LRRC4C: variants seen among roughly 807,000 people sequenced by gnomAD.
The protein encoded by LRRC4C is leucine rich repeat containing 4C.
A neutral mutation model predicts 33.6 loss-of-function variants in LRRC4C; 5 were observed. The ratio of observed to expected loss-of-function variants is 0.15; its 90% CI spans 0.08 to 0.31. LRRC4C has a LOEUF of 0.31. Among genes scored for constraint, LRRC4C ranks in the 10% least tolerant of loss-of-function variants. The probability of loss-of-function intolerance (pLI) is 1.00; values close to 1 mark genes in which losing one functional copy is unlikely to be tolerated. For synonymous variants in LRRC4C, 329 were observed against 302.0 expected (o/e 1.09, Z -0.93); for missense variants, 560 against 796.7 (o/e 0.70, Z 3.58).
At chr11:40,527,079 C>A (rs1238123576) in intron 3 of LRRC4C, among the ~76,000 whole-genome samples, 7 of 152,018 alleles carry the variant, frequency 4.6e-5, no homozygotes, top group Admixed American at 4.6e-4. Context: ...ATTAATTTAT[C>A]CTGATAGAGA....
chr11:40,947,992 G>A lies in LRRC4C; in HGVS notation c.-495-14269C>T, dbSNP rs540952379. On this transcript the variant is annotated intron_variant, in intron 1 of 6. Transcript: ENST00000528697. ...TCATTTTTTTTCAGCTATTTCAAGC[G>A]AGAAGTTAGAACTGATATCTCTTCC... Among the ~76,000 whole-genome samples the A allele has an allele frequency of 9.2e-5, 14 of 152,072 alleles. No homozygotes were observed. In the South Asian group the frequency reaches 2.3e-3, roughly 25 times the overall value.
At chr11:40,472,719 T>C (rs899779960) in intron 3 of LRRC4C, among the ~76,000 whole-genome samples, 1 of 151,302 alleles carries the variant, frequency 6.6e-6, no homozygotes, top group Admixed American at 6.6e-5. Context: ...GCCAGACTCA[T>C]AAAGAAGAAA....
chr11:40,887,862 A>T (rs1955533842), intron 2 of LRRC4C, among the ~76,000 whole-genome samples: 1 of 151,966 alleles, frequency 6.6e-6, no homozygotes, highest in Non-Finnish European at 1.5e-5. Flanking sequence ...CTCTTTATTA[A>T]GGTACTGCCT....
chr11:41,335,966 G>A (rs1323200153), intron 1 of LRRC4C, among the ~76,000 whole-genome samples: 3 of 152,160 alleles, frequency 2.0e-5, no homozygotes, highest in East Asian at 1.9e-4. Context: ...GAATGGCCAG[G>A]CATGGGAAAC....
intron 2 of LRRC4C, among the ~76,000 whole-genome samples, chr11:40,757,534 C>A (rs866683714): frequency 2.0e-5 from 3 of 149,298 alleles, no homozygotes; most frequent in Admixed American, 2.0e-4. Flanking sequence ...TGTGTTTTGG[C>A]TAGTTATTTC....
chr11:40,636,526 G>T (rs1374946645), intron 3 of LRRC4C, among the ~76,000 whole-genome samples: 1 of 152,090 alleles, frequency 6.6e-6, no homozygotes, highest in African/African-American at 2.4e-5. Flanking sequence ...TATACAACAA[G>T]TGGGCTCAGG....
chr11:41,278,152 G>A lies in LRRC4C; in HGVS notation c.-496+181279C>T, dbSNP rs539341805. On this transcript the variant is annotated intron_variant, in intron 1 of 6. Coordinates refer to ENST00000528697, the MANE Select transcript of LRRC4C (RefSeq NM_001258419.2). ...TTATTATAGTTAATTACCATAAATTGTTTTCTTCAAATATGTGAAGAAAGT... is the reference window on the plus strand; with the variant it reads ...TTATTATAGTTAATTACCATAAATTATTTTCTTCAAATATGTGAAGAAAGT... Among the ~76,000 whole-genome samples the A allele has an allele frequency of 2.2e-3, 331 of 152,144 alleles. 1 individual carries two copies. The highest frequency in any genetic ancestry group is 4.9e-3 in the Admixed American group (75 of 15,264).
Position 41,147,002 on chromosome 11 carries a change from C to T in LRRC4C, c.-495-213279G>A, listed in dbSNP as rs115163012. Among the ~76,000 whole-genome samples, 1,069 of 152,314 alleles carry T rather than the reference C, an allele frequency of 7.0e-3. 8 individuals carry two copies. The highest frequency in any genetic ancestry group is 0.024 in the African/African-American group (1,000 of 41,574). On this transcript the variant is annotated intron_variant, in intron 1 of 6. Transcript: ENST00000528697. ...CTCTTAAATACTTTATTTTGTTTTA[C>T]AGATCATGAATGATTCCAGTTTTTA...
chr11:40,384,795 G>T (rs969497347), intron 3 of LRRC4C, among the ~76,000 whole-genome samples: 1 of 151,954 alleles, frequency 6.6e-6, no homozygotes, highest in East Asian at 1.9e-4. Context: ...ACTCCTGGCA[G>T]GTTTGTTATA....
intron 3 of LRRC4C, among the ~76,000 whole-genome samples, chr11:40,366,117 G>C (rs537351826): frequency 3.9e-5 from 6 of 152,096 alleles, no homozygotes; most frequent in African/African-American, 1.4e-4. Context: ...AGGAGACAAA[G>C]TTAGATTTTT....
At chr11:41,170,359 A>C (rs997370848) in intron 1 of LRRC4C, among the ~76,000 whole-genome samples, 3 of 152,202 alleles carry the variant, frequency 2.0e-5, no homozygotes, top group Non-Finnish European at 4.4e-5. Flanking sequence ...AAACTATACT[A>C]CAAGACTACA....
At chr11:40,873,184 C>G (rs1317148674) in intron 2 of LRRC4C, among the ~76,000 whole-genome samples, 2 of 152,116 alleles carry the variant, frequency 1.3e-5, no homozygotes, top group African/African-American at 4.8e-5. Context: ...GCATCAGTTT[C>G]TATATCTGCA....
intron 3 of LRRC4C, among the ~76,000 whole-genome samples, chr11:40,453,800 G>A (rs2119181): frequency 0.36 from 54,625 of 151,944 alleles, 10,335 homozygotes; most frequent in East Asian, 0.53. Context: ...TAGGGCTTAT[G>A]GTGGGGTGAG....
At chr11:41,321,997 T>A (rs1950973293) in intron 1 of LRRC4C, among the ~76,000 whole-genome samples, 1 of 152,096 alleles carries the variant, frequency 6.6e-6, no homozygotes, top group Admixed American at 6.6e-5. Flanking sequence ...CCTGAGTAGC[T>A]GGCATTACAG....
intron 2 of LRRC4C, among the ~76,000 whole-genome samples, chr11:40,816,595 T>A (rs1208601374): frequency 6.6e-6 from 1 of 152,158 alleles, no homozygotes; most frequent in Non-Finnish European, 1.5e-5. Flanking sequence ...TTAGACACAT[T>A]CTTATAGAGA....
chr11:41,370,882 G>A (rs1952722175), intron 1 of LRRC4C, among the ~76,000 whole-genome samples: 1 of 151,940 alleles, frequency 6.6e-6, no homozygotes, highest in South Asian at 2.1e-4. Flanking sequence ...CATTTTATGT[G>A]GGCAACATCC....
At chr11:40,701,365 T>C (rs1260049219) in intron 2 of LRRC4C, among the ~76,000 whole-genome samples, 2 of 152,068 alleles carry the variant, frequency 1.3e-5, no homozygotes, top group African/African-American at 2.4e-5. Flanking sequence ...TACCTTCTTT[T>C]TATTTTCTCA....
At chr11:41,262,380 A>G (rs1266040820) in intron 1 of LRRC4C, among the ~76,000 whole-genome samples, 2 of 149,356 alleles carry the variant, frequency 1.3e-5, no homozygotes, top group East Asian at 2.0e-4. Context: ...CTGCTACCCT[A>G]TACTACTACG....
intron 3 of LRRC4C, among the ~76,000 whole-genome samples, chr11:40,621,206 C>A (rs1351029005): frequency 6.6e-6 from 1 of 151,722 alleles, no homozygotes; most frequent in Non-Finnish European, 1.5e-5. Flanking sequence ...CTTCTTAATA[C>A]ACAAATCTGA....
Sources: allele counts gnomAD v4.1 joint callset (sites outside exome capture counted in the v4.1 genomes callset), GRCh38; gene constraint gnomAD v4.1.1; transcripts MANE v1.5; gene names NCBI Gene and HGNC (gene_info 2026-07-23, HGNC 2026-07-21).